The following OAS3 variants were observed in gnomAD, a reference collection of about 807,000 sequenced individuals.
The protein encoded by OAS3 is 2'-5'-oligoadenylate synthetase 3.
In OAS3, 107 loss-of-function variants were observed where a neutral mutation model predicts 113.0. That is an observed-to-expected ratio of 0.95 (90% CI 0.81 to 1.11). The LOEUF (loss-of-function observed/expected upper bound fraction) is 1.11. Among genes scored for constraint, OAS3 ranks in the 50% most tolerant of loss-of-function variants. The pLI is 0.00. For missense variants in OAS3, 1,258 were observed against 1,389.1 expected (o/e 0.91, Z 1.50); for synonymous variants, 552 against 573.6 (o/e 0.96, Z 0.54).
At position 112,963,420 on chromosome 12, in the gene OAS3, G is replaced by A. The variant is rs867098085; in HGVS notation, c.2192G>A (p.Ser731Asn). 5.2e-6 allele frequency: 8 copies of A among 1,551,496 alleles called. 1 individual carries two copies. The Middle Eastern group carries it at 1.3e-3, about 259-fold the overall frequency. The change falls in exon 10 of 16, where the codon AGT (serine) becomes AAT (asparagine). Residue 731 changes from serine to asparagine, a missense_variant. Transcript: ENST00000228928. This position sits in a 1 kb window ranked among gnomAD's most constrained non-coding sequence, Gnocchi z 4.6. ...AALGMQACFL[S>N]RDGTSVQPWD... ...CTGGGGATGCAGGCCTGCTTTCTGA[G>A]TAGAGACGGGACATCTGTGCAGCCC...
chr12:112,949,144 T>C lies in OAS3; in HGVS notation c.1313T>C (p.Ile438Thr), dbSNP rs1302986171. ...PQFQEQVKKA[I>T]DIILRCLHEN... ...TTCCAGGAGCAGGTGAAAAAGGCCATTGACATCATCTTGCGCTGCCTCCAT... is the reference window on the plus strand; with the variant it reads ...TTCCAGGAGCAGGTGAAAAAGGCCACTGACATCATCTTGCGCTGCCTCCAT... Residue 438 changes from isoleucine (I) to threonine (T), a missense_variant, in exon 6 of 16, where the codon ATT becomes ACT. Physicochemically the swap from Ile to Thr is moderately conservative, Grantham distance 89 (BLOSUM62 -1). Coordinates refer to ENST00000228928, the MANE Select transcript of OAS3 (RefSeq NM_006187.4). 6.2e-7 allele frequency: 1 copy of C among 1,613,864 alleles called. No individual in the cohort carries two copies. The highest frequency in any genetic ancestry group is 8.5e-7 in the Non-Finnish European group (1 of 1,179,882).
In OAS3 at chr12:112,963,072, C is replaced by T. The variant is rs2043903132; in HGVS notation, c.2084+170C>T. 6.6e-6 allele frequency among the ~76,000 whole-genome samples: 1 copy of T among 152,146 alleles called. No individual in the cohort carries two copies. Among genetic ancestry groups the T allele is most frequent in the Non-Finnish European group, 1.5e-5 (1 of 68,034 alleles). ...GAGGAAGTGTGGACATAAGGAGTCC[C>T]AAAAGAAACCAGGGCCAGTTTTATT... On this transcript the variant is annotated intron_variant, in intron 9 of 15. Transcript: ENST00000228928. The surrounding 1 kb of genome is among the most constrained non-coding windows in gnomAD (Gnocchi z 4.6).
rs1304793872 is a variant in OAS3, at chr12:112,972,886, G to GTGTGTGTT, written c.*2920_*2921insTTGTGTGT. The GTGTGTGTT allele has an allele frequency of 1.0e-5, 1 of 100,408 alleles. No homozygotes were observed. The highest frequency in any genetic ancestry group is 2.2e-5 in the Non-Finnish European group (1 of 45,258). The allele number at this position is 100,408 out of a possible 1,614,324, so 6.2% of individuals were successfully genotyped here. A position where few individuals can be genotyped will look rare whatever the true frequency, so the allele number is the denominator to read the frequency against. The stretch of plus-strand genomic sequence containing the variant: ...CAGGACTGCAAAGAAATTGGTGTGT[G>GTGTGTGTT]TGTGTGTGTGTGTGTGTGTGTGTGT... On this transcript the variant is annotated 3_prime_UTR_variant, in exon 16 of 16. Coordinates refer to ENST00000228928, the MANE Select transcript of OAS3 (RefSeq NM_006187.4).
rs1333649283 is a variant in OAS3, at chr12:112,964,269, T to C, written c.2264T>C (p.Leu755Pro). Residue 755 changes from leucine (L) to proline (P), a missense_variant, in exon 11 of 16, where the codon CTT becomes CCT. Leu to Pro is a moderately conservative substitution (Grantham distance 98). Transcript: ENST00000228928. ...ALLYQTPAGD[L>P]DKFISEFLQP... ...CTTTACCAAACCCCAGCTGGGGACC[T>C]TGACAAGTTCATCAGTGAATTTCTC... 1 of 1,601,562 alleles carries C rather than the reference T, an allele frequency of 6.2e-7. No homozygotes were observed. The highest frequency in any genetic ancestry group is 1.7e-5 in the Admixed American group (1 of 58,662).
intron 10 of OAS3, 80 bp from the exon 11 acceptor site, chr12:112,964,155 C>A: frequency 7.0e-7 from 1 of 1,420,792 alleles, no homozygotes; most frequent in Non-Finnish European, 9.6e-7. Flanking sequence ...GTCTTGTCCT[C>A]AGAGGACATC....
rs1207550377 is a variant in OAS3, at chr12:112,944,508, C to A, written c.493C>A (p.Gln165Lys). 14 of 1,614,096 alleles carry A rather than the reference C, an allele frequency of 8.7e-6. No homozygotes were observed. Among genetic ancestry groups the A allele is most frequent in the Non-Finnish European group, 1.2e-5 (14 of 1,179,914 alleles). The change falls in exon 3 of 16, where the codon CAA becomes AAA. Residue 165 changes from glutamine (Q) to lysine (K), a missense_variant. Gln to Lys is a moderately conservative substitution (Grantham distance 53). Transcript: ENST00000228928. The part of the protein sequence containing the change: ...QAGSGVKPKP[Q>K]VYSTLLNSGC... ...CGGCTCCGGCGTCAAACCCAAGCCA[C>A]AAGTCTACTCTACCCTCCTCAACAG...
chr12:112,960,251 C>T (rs1198770206), intron 7 of OAS3, among the ~76,000 whole-genome samples: 2 of 152,114 alleles, frequency 1.3e-5, no homozygotes, highest in Non-Finnish European at 2.9e-5. Flanking sequence ...CTGGGATTTC[C>T]TCACCATGCA....
chr12:112,967,387 G>A (rs751441387), intron 12 of OAS3, 31 bp from the exon 13 acceptor site: 34 of 1,590,886 alleles, frequency 2.1e-5, no homozygotes, highest in African/African-American at 8.1e-5. Context: ...CATGGGAGCC[G>A]GAGTGATGGT....
chr12:112,941,000 C>T (rs1362615921), intron 1 of OAS3, among the ~76,000 whole-genome samples: 9 of 152,112 alleles, frequency 5.9e-5, no homozygotes, highest in Admixed American at 5.9e-4. Flanking sequence ...AAGTCTCTGT[C>T]TCAAAACTAA....
chr12:112,944,137 T>G (rs1156359181), intron 2 of OAS3, among the ~76,000 whole-genome samples: 3 of 152,200 alleles, frequency 2.0e-5, no homozygotes, highest in Non-Finnish European at 4.4e-5. Flanking sequence ...AGGAGAGAGT[T>G]GCCAGGCTGC....
rs768640046 is a variant in OAS3 at position 112,966,051 on chromosome 12, C to T, written c.2689+22C>T. Reference sequence around the variant, plus strand: ...CTAGGTGAGGTGCCCTGGCGTAGACCTGAGAGGGGGAAATACAGAGGCAGG... The same window carrying T: ...CTAGGTGAGGTGCCCTGGCGTAGACTTGAGAGGGGGAAATACAGAGGCAGG... On this transcript the variant is annotated intron_variant, in intron 12 of 15. Transcript: ENST00000228928. The T allele has an allele frequency of 4.3e-6, 7 of 1,611,546 alleles. No individual in the cohort carries two copies. In the East Asian group the frequency reaches 1.6e-4, roughly 36 times the overall value.
In OAS3 at chr12:112,961,074, A is replaced by G. The variant is rs1416244455; in HGVS notation, c.1661A>G (p.Gln554Arg). Residue 554 changes from glutamine (Q) to arginine (R), a missense_variant, in exon 8 of 16, where the codon CAG (glutamine) becomes CGG (arginine). Transcript: ENST00000228928. ...SLLPAFDAVGQLSSGTKPNPQ... is the reference protein window; with the variant it reads ...SLLPAFDAVGRLSSGTKPNPQ... ...AGGGTGTTTCAAACTTCTACAGGGC[A>G]GCTCAGTTCTGGCACCAAACCAAAT... is the stretch of plus-strand genomic sequence containing the variant. The G allele has an allele frequency of 8.1e-6, 13 of 1,613,040 alleles. No homozygotes were observed. Among genetic ancestry groups the G allele is most frequent in the Non-Finnish European group, 1.1e-5 (13 of 1,179,586 alleles).
chr12:112,940,859 C>T (rs913524496), intron 1 of OAS3, among the ~76,000 whole-genome samples: 8 of 152,048 alleles, frequency 5.3e-5, no homozygotes, highest in African/African-American at 1.9e-4. Context: ...AAAAATTAGC[C>T]AGGCATGGTG....
intron 7 of OAS3, among the ~76,000 whole-genome samples, chr12:112,957,856 G>A (rs1326955375): frequency 1.3e-5 from 2 of 152,278 alleles, no homozygotes; most frequent in South Asian, 4.1e-4. Flanking sequence ...GGTGTTCTCT[G>A]TATTTCCTGA....
Position 112,963,094 on chromosome 12 carries a change from T to C in OAS3, c.2084+192T>C, listed in dbSNP as rs759290379. On this transcript the variant is annotated intron_variant, in intron 9 of 15. Transcript: ENST00000228928. The surrounding 1 kb of genome is among the most constrained non-coding windows in gnomAD (Gnocchi z 4.6). ...TCCCAAAAGAAACCAGGGCCAGTTT[T>C]ATTAGCATGATAAAATAGTATTTCT... Among the ~76,000 whole-genome samples, 1 of 152,186 alleles carries C rather than the reference T, an allele frequency of 6.6e-6. No individual in the cohort carries two copies. Among genetic ancestry groups the C allele is most frequent in the Non-Finnish European group, 1.5e-5 (1 of 68,030 alleles).
chr12:112,966,675 T>C (rs1434360962), intron 12 of OAS3, among the ~76,000 whole-genome samples: 1 of 152,150 alleles, frequency 6.6e-6, no homozygotes, highest in East Asian at 1.9e-4. Flanking sequence ...AGGGTCTTAC[T>C]TTATCACCTG....
chr12:112,948,339 C>T (rs1347983285), intron 5 of OAS3, among the ~76,000 whole-genome samples: 1 of 151,920 alleles, frequency 6.6e-6, no homozygotes, highest in Non-Finnish European at 1.5e-5. Flanking sequence ...CTTGTCTCTA[C>T]TAAAAATACG....
In OAS3 at chr12:112,963,655, G is replaced by T. The variant is rs969749221; in HGVS notation, c.2229+198G>T. ...CCAGCCAGTGCCTGAGTGACACAGG[G>T]TTACAAAAAGCCTAACTCTGTCTCC... On this transcript the variant is annotated intron_variant, in intron 10 of 15. Transcript: ENST00000228928. This position sits in a 1 kb window ranked among gnomAD's most constrained non-coding sequence, Gnocchi z 4.6. Among the ~76,000 whole-genome samples, 2 of 152,162 alleles carry T rather than the reference G, an allele frequency of 1.3e-5. No homozygotes were observed. The highest frequency in any genetic ancestry group is 4.8e-5 in the African/African-American group (2 of 41,424).
intron 4 of OAS3, 96 bp from the exon 5 acceptor site, chr12:112,947,850 C>A (rs2043747317): frequency 3.4e-6 from 4 of 1,170,060 alleles, no homozygotes; most frequent in Non-Finnish European, 4.7e-6. Context: ...CCAGGTCACA[C>A]AGCTGGAAAG....
Sources: allele counts gnomAD v4.1 joint callset (sites outside exome capture counted in the v4.1 genomes callset), GRCh38; gene constraint gnomAD v4.1.1; non-coding constraint Gnocchi (gnomAD v3.1); transcripts MANE v1.5; gene names NCBI Gene and HGNC (gene_info 2026-07-23, HGNC 2026-07-21).